Variants in RNF213 observed in about 807,000 individuals in gnomAD.
The protein encoded by RNF213 is E3 ubiquitin-protein ligase RNF213.
RNF213 carries 341 observed loss-of-function variants against 514.4 expected under a neutral mutation model. The ratio of observed to expected loss-of-function variants is 0.66; its 90% CI spans 0.61 to 0.73. The LOEUF is 0.73. Among genes scored for constraint, RNF213 ranks in the 30% least tolerant of loss-of-function variants. RNF213 has a pLI of 0.00. For missense variants in RNF213, 5,767 were observed against 6,615.6 expected (o/e 0.87, Z 4.45); for synonymous variants, 2,655 against 2,658.2 (o/e 1.00, Z 0.04).
At position 80,360,091 on chromosome 17, in the gene RNF213, G is replaced by A. The variant is rs753994521; in HGVS notation, c.11085G>A (p.Val3695=). 3 of 1,614,186 alleles carry A rather than the reference G, an allele frequency of 1.9e-6. No homozygotes were observed. Among genetic ancestry groups the A allele is most frequent in the Admixed American group, 3.3e-5 (2 of 60,016 alleles). The change falls in exon 38 of 68, where the codon GTG becomes GTA. Residue 3695 remains valine (V), a synonymous_variant. Transcript: ENST00000582970. ...RHKGEMAYIV[V]QNHMNLSENA... is the part of the protein sequence containing the mutation. Reference sequence around the variant, plus strand: ...AAGGTGAGATGGCCTACATCGTGGTGCAGAACCACATGAACCTTTCCGAGA... The same window carrying A: ...AAGGTGAGATGGCCTACATCGTGGTACAGAACCACATGAACCTTTCCGAGA...
chr17:80,354,452 C>G lies in RNF213; in HGVS notation c.10738C>G (p.Arg3580Gly). Reference protein sequence around the residue: ...EDDACHASFLRVSKMRLSVFL... With the variant: ...EDDACHASFLGVSKMRLSVFL... ...CTGCCTTTGTACAGCCTCTTTCTTGCGGGTATCCAAGATGCGCCTCAGTGT... is the reference window on the plus strand; with the variant it reads ...CTGCCTTTGTACAGCCTCTTTCTTGGGGGTATCCAAGATGCGCCTCAGTGT... Residue 3580 changes from arginine (R) to glycine (G), a missense_variant, in exon 36 of 68, where the codon CGG becomes GGG. Coordinates refer to ENST00000582970, the MANE Select transcript of RNF213 (RefSeq NM_001256071.3). The G allele has an allele frequency of 6.2e-7, 1 of 1,614,166 alleles. No homozygotes were observed. The highest frequency in any genetic ancestry group is 8.5e-7 in the Non-Finnish European group (1 of 1,180,028).
chr17:80,261,873 C>T (rs916836688), intron 1 of RNF213, among the ~76,000 whole-genome samples: 1 of 152,102 alleles, frequency 6.6e-6, no homozygotes, highest in African/African-American at 2.4e-5. Flanking sequence ...AAAAATTAGC[C>T]GGGTGTGGTG....
In RNF213 at chr17:80,347,100, T is replaced by A. The variant is rs1181055996; in HGVS notation, c.8765T>A (p.Ile2922Asn). Reference sequence around the variant, plus strand: ...GCCAAGGGCATCTGCTCCTCAGACATCCTCGTCCAGGACCGAGTCCAAGGG... The same window carrying A: ...GCCAAGGGCATCTGCTCCTCAGACAACCTCGTCCAGGACCGAGTCCAAGGG... ...ESAKGICSSD[I>N]LVQDRVQGYF... The change falls in exon 29 of 68, where the codon ATC becomes AAC. Residue 2922 changes from isoleucine to asparagine, a missense_variant. This residue lies in a region of RNF213 where 919 missense variants were observed against 1,121.0 expected (regional missense o/e 0.82). Transcript: ENST00000582970. This position sits in a 1 kb window ranked among gnomAD's most constrained non-coding sequence, Gnocchi z 7.2. 1.9e-6 allele frequency: 3 copies of A among 1,613,836 alleles called. No homozygotes were observed. The African/African-American group carries it at 4.0e-5, about 22-fold the overall frequency.
chr17:80,377,219 A>G lies in RNF213; in HGVS notation c.13510+256A>G, dbSNP rs925216862. The G allele has an allele frequency of 2.0e-6, 1 of 511,126 alleles. No homozygotes were observed. The highest frequency in any genetic ancestry group is 3.6e-6 in the Non-Finnish European group (1 of 281,352). 31.7% of individuals were successfully genotyped at this position (511,126 alleles called of 1,614,324 possible). Reference sequence around the variant, plus strand: ...CTGTGATGCACTTCTGTTCTCTGGAATATGCCATTTTGGGAGAAGGGAGGG... The same window carrying G: ...CTGTGATGCACTTCTGTTCTCTGGAGTATGCCATTTTGGGAGAAGGGAGGG... On this transcript the variant is annotated intron_variant, in intron 53 of 67. Coordinates refer to ENST00000582970, the MANE Select transcript of RNF213 (RefSeq NM_001256071.3). The surrounding 1 kb of genome is among the most constrained non-coding windows in gnomAD (Gnocchi z 4.1).
intron 10 of RNF213, among the ~76,000 whole-genome samples, chr17:80,297,849 G>T (rs1232865250): frequency 6.6e-6 from 1 of 151,086 alleles, no homozygotes; most frequent in Non-Finnish European, 1.5e-5. Context: ...TTCCAGCACT[G>T]GAGAGGCTGA....
intron 57 of RNF213, chr17:80,382,427 A>G (rs1006861247): frequency 6.3e-6 from 1 of 159,726 alleles, no homozygotes; most frequent in Non-Finnish European, 1.4e-5. Context: ...GTCCTGCCCC[A>G]TGACAAGAAA....
At chr17:80,380,644 G>C (rs1306890086) in intron 55 of RNF213, among the ~76,000 whole-genome samples, 187 bp from the exon 56 acceptor site, 1 of 152,182 alleles carries the variant, frequency 6.6e-6, no homozygotes, top group Non-Finnish European at 1.5e-5. Context: ...GTCGGGTCTG[G>C]TCCACCGGAA....
At chr17:80,369,074 TGAGAG>T (rs2079400720) in intron 44 of RNF213, among the ~76,000 whole-genome samples, 1 of 152,004 alleles carries the variant, frequency 6.6e-6, no homozygotes, top group Non-Finnish European at 1.5e-5. Context: ...CTCTAACGGG[TGAGAG>T]GAGTGACTTG....
At position 80,287,903 on chromosome 17, in the gene RNF213, CCT is replaced by C. The variant is rs934577833; in HGVS notation, c.351_352del (p.Cys118SerfsTer43). The C allele has an allele frequency of 1.3e-6, 2 of 1,577,702 alleles. No homozygotes were observed. Among genetic ancestry groups the C allele is most frequent in the Non-Finnish European group, 1.7e-6 (2 of 1,161,832 alleles). ...TCCTTGCCCCTTTCTCCTGCCAGCC[CCT>C]GTCACCTGACTTTGCTTTCAAACCC... On this transcript the variant is annotated frameshift_variant, in exon 4 of 68. Coordinates refer to ENST00000582970, the MANE Select transcript of RNF213 (RefSeq NM_001256071.3). LOFTEE classifies it high-confidence loss of function.
rs2045628247 is a variant in RNF213 at position 80,313,143 on chromosome 17, A to G, written c.2787A>G (p.Ser929=). 1.2e-6 allele frequency: 2 copies of G among 1,614,134 alleles called. No homozygotes were observed. Among genetic ancestry groups the G allele is most frequent in the Non-Finnish European group, 1.7e-6 (2 of 1,180,040 alleles). ...TKNMLTSSGA[S]FTYVKEIEVW... is the part of the protein sequence containing the mutation. ...ACATGCTCACATCTTCAGGTGCCTC[A>G]TTCACATACGTCAAGGAAATTGAGG... Residue 929 remains serine, a synonymous_variant, in exon 15 of 68, where the codon TCA becomes TCG. Transcript: ENST00000582970.
chr17:80,360,354 T>C, intron 38 of RNF213, 148 bp downstream of exon 38: 1 of 872,246 alleles, frequency 1.1e-6, no homozygotes, highest in Middle Eastern at 3.3e-4. Flanking sequence ...AAGCGTCCAA[T>C]TTACGTCACC....
intron 3 of RNF213, among the ~76,000 whole-genome samples, chr17:80,274,903 G>T (rs111164279): frequency 0.17 from 9,542 of 57,734 alleles, 1,537 homozygotes; most frequent in Non-Finnish European, 0.26. Context: ...GTGTGTTGGG[G>T]GTGTGTGAGT....
chr17:80,268,710 A>C (rs2043697692), intron 2 of RNF213, among the ~76,000 whole-genome samples: 1 of 151,980 alleles, frequency 6.6e-6, no homozygotes, highest in Non-Finnish European at 1.5e-5. Flanking sequence ...GTACCTATCC[A>C]TCCATCTTAT....
At chr17:80,371,764 T>G (rs2079525818) in intron 46 of RNF213, 110 bp from the exon 47 acceptor site, 1 of 662,864 alleles carries the variant, frequency 1.5e-6, no homozygotes, top group Admixed American at 2.4e-5. Context: ...ATGTATATGT[T>G]TATACACACA....
In RNF213 at chr17:80,323,885, A is replaced by T. The variant is rs565239562; in HGVS notation, c.3025-1145A>T. 5.3e-5 allele frequency among the ~76,000 whole-genome samples: 8 copies of T among 150,696 alleles called. No individual in the cohort carries two copies. In the South Asian group the frequency reaches 1.7e-3, roughly 32 times the overall value. On this transcript the variant is annotated intron_variant, in intron 17 of 67. Coordinates refer to ENST00000582970, the MANE Select transcript of RNF213 (RefSeq NM_001256071.3). ...ATTGTTTTCTGAATTCTGTTTCCAG[A>T]TTGTTCCTTGCTGGTGTCTAGACAC...
intron 11 of RNF213, 93 bp from the exon 12 acceptor site, chr17:80,306,159 G>A (rs2045350305): frequency 8.1e-7 from 1 of 1,227,910 alleles, no homozygotes; most frequent in Non-Finnish European, 1.2e-6. Context: ...TTTGAATTCG[G>A]GACTGTTTCT....
In RNF213 at chr17:80,369,787, ATC is replaced by A. The variant is rs772520105; in HGVS notation, c.12354_12355del (p.Pro4119IlefsTer3). 8 of 1,613,756 alleles carry A rather than the reference ATC, an allele frequency of 5.0e-6. No homozygotes were observed. The highest frequency in any genetic ancestry group is 3.3e-5 in the Admixed American group (2 of 59,992). On this transcript the variant is annotated frameshift_variant, in exon 46 of 68. Transcript: ENST00000582970. LOFTEE classifies it high-confidence loss of function. ...TTTAAGGACACTGTGAACACACAAA[ATC>A]TCTCTCTCCATTCAATGATGTTGTG... ...AAQRHCEHTKSLSPFNDVVDK... is the reference protein window; with the variant it reads ...AAQRHCEHTKXLSPFNDVVDK...
At chr17:80,322,825 T>C (rs1297114172) in intron 17 of RNF213, among the ~76,000 whole-genome samples, 1 of 152,238 alleles carries the variant, frequency 6.6e-6, no homozygotes, top group African/African-American at 2.4e-5. Flanking sequence ...TCTCCCATTC[T>C]ATGTGTTGTT....
Position 80,353,172 on chromosome 17 carries a change from G to T in RNF213, c.10423+113G>T. On this transcript the variant is annotated intron_variant, in intron 33 of 67. Coordinates refer to ENST00000582970, the MANE Select transcript of RNF213 (RefSeq NM_001256071.3). This position sits in a 1 kb window ranked among gnomAD's most constrained non-coding sequence, Gnocchi z 5.0. ...GCAGGGCCACCGTGTTTCGTCCCTC[G>T]GCAGGAGCTCGGGGACACATCTGCA... The T allele has an allele frequency of 6.9e-7, 1 of 1,447,142 alleles. No individual in the cohort carries two copies. The highest frequency in any genetic ancestry group is 9.6e-7 in the Non-Finnish European group (1 of 1,046,350). 89.6% of individuals were successfully genotyped at this position (1,447,142 alleles called of 1,614,324 possible). A position where few individuals can be genotyped will look rare whatever the true frequency, so the allele number is the denominator to read the frequency against.
Sources: allele counts gnomAD v4.1 joint callset (sites outside exome capture counted in the v4.1 genomes callset), GRCh38; gene constraint gnomAD v4.1.1; regional missense constraint gnomAD v4.1.1; non-coding constraint Gnocchi (gnomAD v3.1); transcripts MANE v1.5; gene names NCBI Gene and HGNC (gene_info 2026-07-23, HGNC 2026-07-21).